The following NCAM2 variants were observed in gnomAD, a reference collection of about 807,000 sequenced individuals.
The protein encoded by NCAM2 is neural cell adhesion molecule 2.
NCAM2 carries 30 observed loss-of-function variants against 98.1 expected under a neutral mutation model. The ratio of observed to expected loss-of-function variants is 0.31; its 90% CI spans 0.23 to 0.41. The LOEUF is 0.41. NCAM2 is among the 10% of genes least tolerant of loss of function. The probability of loss-of-function intolerance (pLI) is 1.00; values close to 1 mark genes in which losing one functional copy is unlikely to be tolerated. For missense variants in NCAM2, 867 were observed against 1,005.8 expected (o/e 0.86, Z 1.87); for synonymous variants, 368 against 342.4 (o/e 1.07, Z -0.83).
intron 9 of NCAM2, among the ~76,000 whole-genome samples, chr21:21,394,786 G>T (rs1166757791): frequency 6.6e-6 from 1 of 151,914 alleles, no homozygotes; most frequent in Non-Finnish European, 1.5e-5. Context: ...AATTATAAAG[G>T]TCTAAGAAAG....
intron 1 of NCAM2, among the ~76,000 whole-genome samples, chr21:21,219,304 G>A (rs2070038407): frequency 6.6e-6 from 1 of 152,112 alleles, no homozygotes; most frequent in South Asian, 2.1e-4. Flanking sequence ...GTGATAATTT[G>A]CTTCAGCAGC....
intron 1 of NCAM2, among the ~76,000 whole-genome samples, chr21:21,170,519 G>A (rs542689967): frequency 1.3e-5 from 2 of 152,124 alleles, no homozygotes; most frequent in South Asian, 2.1e-4. Flanking sequence ...TAGAAAAGGC[G>A]AAACTCTGGA....
chr21:21,476,194 A>G (rs1985146968), intron 14 of NCAM2, among the ~76,000 whole-genome samples: 1 of 152,160 alleles, frequency 6.6e-6, no homozygotes, highest in African/African-American at 2.4e-5. Flanking sequence ...TGTTATAGAC[A>G]GGCTGTAATT....
chr21:21,169,524 T>C (rs77605090), intron 1 of NCAM2, among the ~76,000 whole-genome samples: 3,947 of 152,184 alleles, frequency 0.026, 99 homozygotes, highest in African/African-American at 0.054. Flanking sequence ...GAGAAAAAAA[T>C]ATTTGCACAA....
chr21:21,354,215 C>T (rs766580751), intron 8 of NCAM2, among the ~76,000 whole-genome samples: 13 of 152,112 alleles, frequency 8.5e-5, no homozygotes, highest in African/African-American at 1.7e-4. Flanking sequence ...ACTTCTCCTA[C>T]GTAGTATAGA....
chr21:21,324,152 C>T (rs1465416267), intron 5 of NCAM2, among the ~76,000 whole-genome samples: 1 of 151,944 alleles, frequency 6.6e-6, no homozygotes, highest in Non-Finnish European at 1.5e-5. Context: ...ATGTAACAAA[C>T]CTGTACGTTG....
intron 16 of NCAM2, among the ~76,000 whole-genome samples, chr21:21,516,148 G>T (rs1602540826): frequency 1.3e-5 from 2 of 152,068 alleles, no homozygotes; most frequent in East Asian, 3.9e-4. Context: ...ACTCCCCAAA[G>T]AACCACATCT....
chr21:21,313,402 T>C (rs927337527), intron 5 of NCAM2, among the ~76,000 whole-genome samples: 1 of 151,910 alleles, frequency 6.6e-6, no homozygotes, highest in Admixed American at 6.6e-5. Flanking sequence ...ACATGTAGGA[T>C]TGTCATATTT....
chr21:21,123,707 T>C (rs957256343), intron 1 of NCAM2, among the ~76,000 whole-genome samples: 1 of 152,120 alleles, frequency 6.6e-6, no homozygotes, highest in Non-Finnish European at 1.5e-5. Flanking sequence ...GAGGAGGTAA[T>C]ATAAATTAGG....
At chr21:21,003,339 T>C (rs2064054050) in intron 1 of NCAM2, among the ~76,000 whole-genome samples, 1 of 152,176 alleles carries the variant, frequency 6.6e-6, no homozygotes, top group Admixed American at 6.5e-5. Context: ...GGTCCATTGA[T>C]CAAATCTTTC....
Position 21,281,033 on chromosome 21 carries a change from C to T in NCAM2, c.130+381C>T, listed in dbSNP as rs138485175. On this transcript the variant is annotated intron_variant, in intron 2 of 17. Transcript: ENST00000400546. ...CTCAAACTTCTGACCTCAAGTGATC[C>T]GCCCGCCTTGGCCTCCTGAAGTGCT... Among the ~76,000 whole-genome samples, 1,367 of 152,098 alleles carry T rather than the reference C, an allele frequency of 9.0e-3. 21 individuals carry two copies. The highest frequency in any genetic ancestry group is 0.031 in the African/African-American group (1,304 of 41,496).
chr21:21,469,004 T>C (rs894128413), intron 14 of NCAM2, among the ~76,000 whole-genome samples: 6 of 152,024 alleles, frequency 3.9e-5, no homozygotes, highest in Non-Finnish European at 8.8e-5. Flanking sequence ...TTTCATCTTA[T>C]GATTTTTAGG....
chr21:21,071,692 G>T (rs2146365942), intron 1 of NCAM2, among the ~76,000 whole-genome samples: 1 of 152,090 alleles, frequency 6.6e-6, no homozygotes, highest in Non-Finnish European at 1.5e-5. Flanking sequence ...TTTTCCTCTG[G>T]TTTTTCAAAA....
chr21:21,099,919 C>T lies in NCAM2; in HGVS notation c.55+101301C>T, dbSNP rs1042743334. Among the ~76,000 whole-genome samples the T allele has an allele frequency of 4.0e-5, 6 of 151,820 alleles. No individual in the cohort carries two copies. In the East Asian group the frequency reaches 1.2e-3, roughly 29 times the overall value. On this transcript the variant is annotated intron_variant, in intron 1 of 17. Coordinates refer to ENST00000400546, the MANE Select transcript of NCAM2 (RefSeq NM_004540.5). ...TTATTGCCATTTTTTACTTTTTTAACTTTTGCTTTCTATTGATCAGCACAG... is the reference window on the plus strand; with the variant it reads ...TTATTGCCATTTTTTACTTTTTTAATTTTTGCTTTCTATTGATCAGCACAG...
chr21:21,461,785 A>C (rs972468425), intron 12 of NCAM2, among the ~76,000 whole-genome samples: 5 of 151,982 alleles, frequency 3.3e-5, no homozygotes, highest in African/African-American at 9.7e-5. Flanking sequence ...GCAAAAATGT[A>C]AATTTCAGAA....
chr21:21,435,754 G>A (rs994554355), intron 12 of NCAM2, among the ~76,000 whole-genome samples: 4 of 152,128 alleles, frequency 2.6e-5, no homozygotes, highest in African/African-American at 7.2e-5. Context: ...TTCTACTTGA[G>A]ATTAAGAGTA....
chr21:21,355,335 G>T (rs1047551265), intron 8 of NCAM2, among the ~76,000 whole-genome samples: 1 of 151,168 alleles, frequency 6.6e-6, no homozygotes, highest in Non-Finnish European at 1.5e-5. Flanking sequence ...CTCGGGACGG[G>T]GCCGGGAAAA....
intron 1 of NCAM2, among the ~76,000 whole-genome samples, chr21:21,143,827 G>T (rs550934754): frequency 5.3e-5 from 6 of 112,902 alleles, no homozygotes; most frequent in South Asian, 2.9e-4. Context: ...TTTTCCAGCA[G>T]TTATTTGTAT....
At chr21:21,200,997 A>T (rs1283538765) in intron 1 of NCAM2, among the ~76,000 whole-genome samples, 1 of 152,008 alleles carries the variant, frequency 6.6e-6, no homozygotes, top group African/African-American at 2.4e-5. Context: ...ATACTTTTTT[A>T]TGATTTTAAT....
Sources: gnomAD v4.1 joint callset for allele counts (sites outside exome capture counted in the v4.1 genomes callset) on GRCh38, gnomAD v4.1.1 for gene constraint, MANE v1.5 for transcripts, NCBI Gene and HGNC (gene_info 2026-07-23, HGNC 2026-07-21) for gene names.